ADAMTS7: variants seen among roughly 807,000 people sequenced by gnomAD.
The protein encoded by ADAMTS7 is ADAM metallopeptidase with thrombospondin type 1 motif 7.
A neutral mutation model predicts 172.6 loss-of-function variants in ADAMTS7; 89 were observed. That is an observed-to-expected ratio of 0.52 (90% CI 0.43 to 0.61). The LOEUF is 0.61. Ranked by LOEUF, ADAMTS7 falls within the 20% of genes least tolerant of loss-of-function variation. The probability of loss-of-function intolerance (pLI) is 0.00; values close to 1 mark genes in which losing one functional copy is unlikely to be tolerated. For synonymous variants in ADAMTS7, 885 were observed against 978.4 expected (o/e 0.90, Z 1.78); for missense variants, 1,973 against 2,355.6 (o/e 0.84, Z 3.36).
At position 78,764,978 on chromosome 15, in the gene ADAMTS7, G is replaced by A. The variant is rs188293781; in HGVS notation, c.4267-271C>T. 274 of 373,434 alleles carry A rather than the reference G, an allele frequency of 7.3e-4. 1 individual carries two copies. Among genetic ancestry groups the A allele is most frequent in the African/African-American group, 5.3e-3 (252 of 47,718 alleles). 23.1% of individuals were successfully genotyped at this position (373,434 alleles called of 1,614,324 possible). ...TGTCATTGGTGCAGAGGTGGGGGGA[G>A]GGGACCCTGTGGGCACCCCGACCAG... On this transcript the variant is annotated intron_variant, in intron 19 of 23. Coordinates refer to ENST00000388820, the MANE Select transcript of ADAMTS7 (RefSeq NM_014272.5).
chr15:78,768,064 CG>C, intron 17 of ADAMTS7, 68 bp downstream of exon 17: 2 of 1,005,348 alleles, frequency 2.0e-6, no homozygotes, highest in Admixed American at 2.9e-5. Context: ...GGGGAGTTGG[CG>C]GGGGATGGGG....
At chr15:78,787,297 T>A (rs1401662658) in intron 8 of ADAMTS7, among the ~76,000 whole-genome samples, 2 of 137,496 alleles carry the variant, frequency 1.5e-5, no homozygotes, top group Middle Eastern at 4.3e-3. Flanking sequence ...TTTATGCCAA[T>A]AATTTAAATT....
At position 78,774,558 on chromosome 15, in the gene ADAMTS7, G is replaced by T. The variant is rs2055306870; in HGVS notation, c.1876+66C>A. The T allele has an allele frequency of 3.7e-6, 6 of 1,606,734 alleles. No homozygotes were observed. The African/African-American group carries it at 6.7e-5, about 18-fold the overall frequency. Reference sequence around the variant, plus strand: ...CTGGGCCTCCTGCTCGCATCACAGGGTAACCTTGGACCCACACACCCCCAG... The same window carrying T: ...CTGGGCCTCCTGCTCGCATCACAGGTTAACCTTGGACCCACACACCCCCAG... On this transcript the variant is annotated intron_variant, in intron 12 of 23. Coordinates refer to ENST00000388820, the MANE Select transcript of ADAMTS7 (RefSeq NM_014272.5).
intron 8 of ADAMTS7, 39 bp downstream of exon 8, chr15:78,788,192 A>G (rs756017026): frequency 1.2e-6 from 2 of 1,609,070 alleles, no homozygotes; most frequent in South Asian, 1.1e-5. Context: ...CCTTGACCTC[A>G]TGGATCAAGG....
chr15:78,760,672 A>G (rs2002854), intron 23 of ADAMTS7, among the ~76,000 whole-genome samples: 100,367 of 151,984 alleles, frequency 0.66, 33,770 homozygotes, highest in Non-Finnish European at 0.75. Flanking sequence ...CGAGTTTCCC[A>G]GCTTTCCACA....
In ADAMTS7 at chr15:78,776,860, G is replaced by A. The variant is rs1199932548; in HGVS notation, c.1468-19C>T. The A allele has an allele frequency of 2.0e-6, 3 of 1,528,548 alleles. No individual in the cohort carries two copies. Among genetic ancestry groups the A allele is most frequent in the South Asian group, 2.4e-5 (2 of 83,628 alleles). 94.7% of individuals were successfully genotyped at this position (1,528,548 alleles called of 1,614,324 possible). Reference sequence around the variant, plus strand: ...AGACATTCTGCGAGGAGGAGGGCATGGGCCATACCCTCACACCCTCCCCAG... The same window carrying A: ...AGACATTCTGCGAGGAGGAGGGCATAGGCCATACCCTCACACCCTCCCCAG... On this transcript the variant is annotated intron_variant, in intron 9 of 23. Coordinates refer to ENST00000388820, the MANE Select transcript of ADAMTS7 (RefSeq NM_014272.5).
chr15:78,783,484 G>T (rs1420654257), intron 8 of ADAMTS7, among the ~76,000 whole-genome samples: 1 of 151,816 alleles, frequency 6.6e-6, no homozygotes, highest in East Asian at 1.9e-4. Context: ...CACCATGTTG[G>T]CCAGGCTGGT....
chr15:78,766,593 G>A lies in ADAMTS7; in HGVS notation c.3318C>T (p.Ser1106=). The change falls in exon 19 of 24, where the codon TCC becomes TCT. Residue 1106 remains serine, a synonymous_variant. Transcript: ENST00000388820. ...PPPHSHPAAP[S]TGSPVPATEP... The stretch of plus-strand genomic sequence containing the variant: ...CTGTGGCAGGCACGGGGCTACCCGT[G>A]GAGGGCGCAGCAGGATGGCTGTGTG... 2 of 1,602,168 alleles carry A rather than the reference G, an allele frequency of 1.2e-6. No individual in the cohort carries two copies. The highest frequency in any genetic ancestry group is 2.8e-5 in the African/African-American group (2 of 70,842).
chr15:78,794,934 C>G (rs980986823), intron 4 of ADAMTS7, among the ~76,000 whole-genome samples: 19 of 152,214 alleles, frequency 1.2e-4, no homozygotes, highest in Admixed American at 1.3e-4. Flanking sequence ...CCAGGCTGGT[C>G]TCCAACTCCT....
intron 8 of ADAMTS7, among the ~76,000 whole-genome samples, chr15:78,778,006 C>CG (rs2055376822): frequency 6.6e-6 from 1 of 152,152 alleles, no homozygotes; most frequent in South Asian, 2.1e-4. Flanking sequence ...ACAGAGCCTC[C>CG]GACGGCCCCA....
chr15:78,791,636 G>A (rs1351167866), intron 4 of ADAMTS7, among the ~76,000 whole-genome samples: 2 of 152,260 alleles, frequency 1.3e-5, no homozygotes, highest in East Asian at 3.8e-4. Flanking sequence ...CCAGGGCTAT[G>A]ATAGCAGTGC....
chr15:78,797,908 G>A, intron 3 of ADAMTS7, 40 bp downstream of exon 3: 2 of 1,580,900 alleles, frequency 1.3e-6, no homozygotes, highest in South Asian at 1.1e-5. Flanking sequence ...ATGTCCCCAG[G>A]CCCAGCACCC....
At chr15:78,802,314 G>A (rs552606597) in intron 1 of ADAMTS7, among the ~76,000 whole-genome samples, 87 of 152,306 alleles carry the variant, frequency 5.7e-4, no homozygotes, top group Middle Eastern at 3.4e-3. Context: ...TGAGCCACTG[G>A]TTGAATATGA....
In ADAMTS7 at chr15:78,763,796, G is replaced by A. The variant is rs757739119; in HGVS notation, c.4643C>T (p.Pro1548Leu). 21 of 1,586,712 alleles carry A rather than the reference G, an allele frequency of 1.3e-5. No homozygotes were observed. The highest frequency in any genetic ancestry group is 2.3e-4 in the Middle Eastern group (1 of 4,420). ...GGEQQRLVTCPEPGLCEEALR... is the reference protein window; with the variant it reads ...GGEQQRLVTCLEPGLCEEALR... ...CGCCTCCTCGCAGAGGCCTGGCTCC[G>A]GGCAGGTCACTAGACGCTGCTGCTC... The change falls in exon 22 of 24, where the codon CCG becomes CTG. Residue 1548 changes from proline to leucine, a missense_variant. Coordinates refer to ENST00000388820, the MANE Select transcript of ADAMTS7 (RefSeq NM_014272.5).
chr15:78,775,182 T>G (rs2055322976), intron 11 of ADAMTS7, among the ~76,000 whole-genome samples: 1 of 152,170 alleles, frequency 6.6e-6, no homozygotes, highest in Non-Finnish European at 1.5e-5. Flanking sequence ...GCTCCGAGTC[T>G]CCAGCCCATG....
chr15:78,794,590 T>C (rs190373074), intron 4 of ADAMTS7, among the ~76,000 whole-genome samples: 3 of 152,196 alleles, frequency 2.0e-5, no homozygotes, highest in Non-Finnish European at 4.4e-5. Flanking sequence ...ACCAAGTGAA[T>C]GGGTAGGTCC....
chr15:78,776,536 T>A (rs2055348615), intron 10 of ADAMTS7: 1 of 841,386 alleles, frequency 1.2e-6, no homozygotes. Flanking sequence ...ACAGCCCACA[T>A]GCTGACTCAG....
At chr15:78,799,875 T>C (rs1166323699) in intron 2 of ADAMTS7, among the ~76,000 whole-genome samples, 1 of 151,408 alleles carries the variant, frequency 6.6e-6, no homozygotes, top group Admixed American at 6.6e-5. Flanking sequence ...TCTCGCTGTG[T>C]CGCCAGCTAA....
chr15:78,768,815 GACC>G (rs1214302248), intron 16 of ADAMTS7, among the ~76,000 whole-genome samples: 2 of 152,170 alleles, frequency 1.3e-5, no homozygotes, highest in Non-Finnish European at 2.9e-5. Flanking sequence ...CAAAGAGGAG[GACC>G]ACAAGTGTCC....
Sources: allele counts gnomAD v4.1 joint callset (sites outside exome capture counted in the v4.1 genomes callset), GRCh38; gene constraint gnomAD v4.1.1; transcripts MANE v1.5; gene names NCBI Gene and HGNC (gene_info 2026-07-23, HGNC 2026-07-21).